HDAC9: variants seen among roughly 807,000 people sequenced by gnomAD.
The protein encoded by HDAC9 is histone deacetylase 9.
A neutral mutation model predicts 139.4 loss-of-function variants in HDAC9; 41 were observed. The observed-to-expected ratio is 0.29, with a 90% CI of 0.23 to 0.38. HDAC9 has a LOEUF of 0.38. HDAC9 is among the 10% of genes least tolerant of loss of function. HDAC9 has a pLI of 1.00. For synonymous variants in HDAC9, 517 were observed against 476.2 expected (o/e 1.09, Z -1.12); for missense variants, 1,147 against 1,297.0 (o/e 0.88, Z 1.78).
chr7:18,288,969 C>G (rs2128223575), upstream of HDAC9, among the ~76,000 whole-genome samples: 1 of 152,262 alleles, frequency 6.6e-6, no homozygotes, highest in East Asian at 1.9e-4. Flanking sequence ...GACAATGAAG[C>G]AAAGTTCTCT....
intron 2 of HDAC9, among the ~76,000 whole-genome samples, chr7:18,264,161 T>C (rs771846207): frequency 6.6e-6 from 1 of 152,064 alleles, no homozygotes; most frequent in Non-Finnish European, 1.5e-5. Context: ...ATAGAAGACA[T>C]GAACAACACT....
intron 12 of HDAC9, among the ~76,000 whole-genome samples, chr7:18,694,917 C>T (rs1341829224): frequency 6.6e-6 from 1 of 152,072 alleles, no homozygotes; most frequent in African/African-American, 2.4e-5. Flanking sequence ...CCTCCTACTC[C>T]TCATTTTCTC....
intron 2 of HDAC9, among the ~76,000 whole-genome samples, chr7:18,212,100 T>C (rs1379561088): frequency 6.6e-6 from 1 of 152,202 alleles, no homozygotes. Flanking sequence ...AAATGTTTTC[T>C]GCATGTTTCT....
chr7:18,172,045 T>A (rs180682593), intron 2 of HDAC9, among the ~76,000 whole-genome samples: 1 of 152,338 alleles, frequency 6.6e-6, no homozygotes, highest in Non-Finnish European at 1.5e-5. Context: ...GTACTTCTGG[T>A]AGAATTCGGC....
At chr7:18,710,457 C>T (rs2129112477) in intron 12 of HDAC9, among the ~76,000 whole-genome samples, 1 of 152,302 alleles carries the variant, frequency 6.6e-6, no homozygotes, top group South Asian at 2.1e-4. Flanking sequence ...ATCATACACA[C>T]ATGCACACAT....
chr7:18,109,455 A>G (rs1043255525), intron 1 of HDAC9, among the ~76,000 whole-genome samples: 4 of 152,196 alleles, frequency 2.6e-5, no homozygotes, highest in African/African-American at 9.6e-5. Context: ...CCTAAAGTAG[A>G]TGGGATGTAA....
In HDAC9 at chr7:18,509,390, G is replaced by T. The variant is rs552203096; in HGVS notation, c.22+13066G>T. On this transcript the variant is annotated intron_variant, in intron 2 of 25. Transcript: ENST00000686413. ...CTCTAGCCTCAAGAAGACTGAGACC[G>T]AGCCAAACTCCTGGCCAACGTGCTT... 5.1e-6 allele frequency: 5 copies of T among 985,302 alleles called. No individual in the cohort carries two copies. The African/African-American group carries it at 8.7e-5, about 17-fold the overall frequency. 61.0% of individuals were successfully genotyped at this position (985,302 alleles called of 1,614,324 possible). A position where few individuals can be genotyped will look rare whatever the true frequency, so the allele number is the denominator to read the frequency against.
At chr7:18,099,429 C>G (rs1782708928) in intron 1 of HDAC9, among the ~76,000 whole-genome samples, 1 of 151,988 alleles carries the variant, frequency 6.6e-6, no homozygotes, top group Non-Finnish European at 1.5e-5. Context: ...GATTGCATCA[C>G]TGCACTCCAG....
At chr7:18,735,139 C>A (rs982763717) in intron 13 of HDAC9, among the ~76,000 whole-genome samples, 1 of 152,072 alleles carries the variant, frequency 6.6e-6, no homozygotes, top group Non-Finnish European at 1.5e-5. Flanking sequence ...GCATAATAGC[C>A]CTTTGTCAGA....
chr7:18,747,685 A>C (rs1788100122), intron 13 of HDAC9, among the ~76,000 whole-genome samples: 1 of 152,192 alleles, frequency 6.6e-6, no homozygotes, highest in South Asian at 2.1e-4. Context: ...TGTGAGAATC[A>C]GGGGAAGAAG....
At chr7:18,718,654 T>A (rs1321116711) in intron 12 of HDAC9, among the ~76,000 whole-genome samples, 1 of 152,166 alleles carries the variant, frequency 6.6e-6, no homozygotes, top group Admixed American at 6.5e-5. Context: ...TAAAGCGTAA[T>A]TTTTTTATCC....
intron 12 of HDAC9, among the ~76,000 whole-genome samples, chr7:18,689,283 T>A (rs1427099108): frequency 6.6e-6 from 1 of 151,956 alleles, no homozygotes; most frequent in African/African-American, 2.4e-5. Flanking sequence ...GAGTTTAAAC[T>A]AAGACATGGG....
At chr7:18,682,603 C>CT (rs962059879) in intron 12 of HDAC9, among the ~76,000 whole-genome samples, 12 of 151,726 alleles carry the variant, frequency 7.9e-5, no homozygotes, top group East Asian at 1.9e-4. Flanking sequence ...AAATGCAGTC[C>CT]TTTTTTTTAT....
At chr7:18,099,936 C>CT (rs1782739783) in intron 1 of HDAC9, among the ~76,000 whole-genome samples, 2 of 151,994 alleles carry the variant, frequency 1.3e-5, no homozygotes, top group African/African-American at 4.8e-5. Flanking sequence ...CTCTTTATTC[C>CT]TTTGTCTATA....
At chr7:18,332,719 T>A (rs1329261499) in intron 1 of HDAC9, among the ~76,000 whole-genome samples, 1 of 151,590 alleles carries the variant, frequency 6.6e-6, no homozygotes, top group African/African-American at 2.4e-5. Context: ...AGTTGAAAAA[T>A]ACTACATCTC....
intron 1 of HDAC9, among the ~76,000 whole-genome samples, chr7:18,381,470 C>G (rs531454282): frequency 1.3e-5 from 2 of 151,988 alleles, no homozygotes; most frequent in East Asian, 3.9e-4. Context: ...GAAAAATCAA[C>G]TTTCTAAATT....
chr7:18,755,176 A>G (rs570834325), intron 14 of HDAC9, among the ~76,000 whole-genome samples: 1 of 152,292 alleles, frequency 6.6e-6, no homozygotes, highest in East Asian at 1.9e-4. Context: ...TGATGAGTAA[A>G]CCAGGCTACA....
At chr7:18,104,434 T>A (rs1016390596) in intron 1 of HDAC9, among the ~76,000 whole-genome samples, 1 of 152,134 alleles carries the variant, frequency 6.6e-6, no homozygotes, top group Non-Finnish European at 1.5e-5. Context: ...CTGGCTCTTG[T>A]CTGAGAAATT....
intron 2 of HDAC9, among the ~76,000 whole-genome samples, chr7:18,512,629 A>T (rs1801891958): frequency 6.6e-6 from 1 of 152,240 alleles, no homozygotes; most frequent in Admixed American, 6.5e-5. Flanking sequence ...CAGATACACT[A>T]AGTGATGTAT....
Sources: allele counts gnomAD v4.1 joint callset (sites outside exome capture counted in the v4.1 genomes callset), GRCh38; gene constraint gnomAD v4.1.1; transcripts MANE v1.5; gene names NCBI Gene and HGNC (gene_info 2026-07-23, HGNC 2026-07-21).